FER: variants seen among roughly 807,000 people sequenced by gnomAD.
FER encodes the protein tyrosine-protein kinase Fer.
FER carries 63 observed loss-of-function variants against 111.0 expected under a neutral mutation model. The observed-to-expected ratio is 0.57, with a 90% CI of 0.46 to 0.70. The LOEUF (loss-of-function observed/expected upper bound fraction) is 0.70. Ranked by LOEUF, FER falls within the 30% of genes least tolerant of loss-of-function variation. The pLI is 0.00. For synonymous variants in FER, 327 were observed against 313.9 expected, an observed-to-expected ratio of 1.04 and a Z score of -0.44; for missense variants, 914 against 954.0, an observed-to-expected ratio of 0.96 and a Z score of 0.55.
At chr5:109,157,408 C>A (rs923251351) in intron 17 of FER, among the ~76,000 whole-genome samples, 2 of 152,098 alleles carry the variant, frequency 1.3e-5, no homozygotes, top group Non-Finnish European at 2.9e-5. Context: ...TTTGCTCTGT[C>A]ATGCCTGGAC....
chr5:109,128,745 G>T (rs1752029253), intron 17 of FER, among the ~76,000 whole-genome samples: 1 of 152,020 alleles, frequency 6.6e-6, no homozygotes, highest in Non-Finnish European at 1.5e-5. Flanking sequence ...AAATTTAAAT[G>T]AGTTATTATT....
At position 108,969,626 on chromosome 5, in the gene FER, G is replaced by C. The variant is rs533243725; in HGVS notation, c.1656+10279G>C. Reference sequence around the variant, plus strand: ...ACATTTTAATTTTTTTGAACACTGTGAATGTATTACCTATTCAAAAGGTAA... The same window carrying C: ...ACATTTTAATTTTTTTGAACACTGTCAATGTATTACCTATTCAAAAGGTAA... On this transcript the variant is annotated intron_variant, in intron 13 of 19. Transcript: ENST00000281092. Among the ~76,000 whole-genome samples, 25 of 134,092 alleles carry C rather than the reference G, an allele frequency of 1.9e-4. 5 individuals are homozygous for C. The highest frequency in any genetic ancestry group is 9.4e-4 in the African/African-American group (23 of 24,572). The allele number at this position is 134,092 out of a possible 152,430, so 88.0% of individuals were successfully genotyped here. A position where few individuals can be genotyped will look rare whatever the true frequency, so the allele number is the denominator to read the frequency against.
At chr5:108,781,845 C>A (rs910607133) in intron 2 of FER, among the ~76,000 whole-genome samples, 3 of 152,052 alleles carry the variant, frequency 2.0e-5, no homozygotes, top group Non-Finnish European at 2.9e-5. Context: ...GAAGGAAAGA[C>A]CTTATTAAGA....
At chr5:109,013,689 C>T (rs540011616) in intron 13 of FER, among the ~76,000 whole-genome samples, 1 of 152,072 alleles carries the variant, frequency 6.6e-6, no homozygotes, top group South Asian at 2.1e-4. Flanking sequence ...AGTTTACAGT[C>T]CCACCAACAG....
intron 13 of FER, chr5:109,014,967 T>A (rs994086267): frequency 6.6e-6 from 1 of 152,110 alleles, no homozygotes. Context: ...GTTATCTTCT[T>A]AATGTTGATT....
intron 13 of FER, among the ~76,000 whole-genome samples, chr5:109,019,499 A>C (rs1447379379): frequency 6.6e-6 from 1 of 151,818 alleles, no homozygotes; most frequent in Non-Finnish European, 1.5e-5. Flanking sequence ...TTAAAGTATC[A>C]TTATTAATAT....
chr5:109,113,805 T>C (rs555243740), intron 17 of FER, among the ~76,000 whole-genome samples: 1 of 152,306 alleles, frequency 6.6e-6, no homozygotes, highest in South Asian at 2.1e-4. Flanking sequence ...TTATAAATGC[T>C]TACTCATGGA....
At chr5:109,020,226 C>A (rs1051034766) in intron 13 of FER, among the ~76,000 whole-genome samples, 1 of 151,852 alleles carries the variant, frequency 6.6e-6, no homozygotes, top group African/African-American at 2.4e-5. Flanking sequence ...TAAAATCAGT[C>A]TTAAAACATC....
At chr5:109,178,617 ATAC>A in intron 17 of FER, among the ~76,000 whole-genome samples, 1 of 152,330 alleles carries the variant, frequency 6.6e-6, no homozygotes, top group East Asian at 1.9e-4. Context: ...TTAGTTGACT[ATAC>A]ATATGTGGGT....
intron 17 of FER, among the ~76,000 whole-genome samples, chr5:109,120,816 T>A (rs1750870636): frequency 6.6e-6 from 1 of 152,156 alleles, no homozygotes; most frequent in African/African-American, 2.4e-5. Flanking sequence ...TTTGCTTATT[T>A]GATTAGTTGA....
At chr5:108,830,806 G>T (rs1259095464) in intron 3 of FER, 1 of 152,262 alleles carries the variant, frequency 6.6e-6, no homozygotes, top group Non-Finnish European at 1.5e-5. Context: ...GAAACACAGA[G>T]AATGTTTATT....
At chr5:108,846,697 C>G (rs1374213470) in intron 5 of FER, among the ~76,000 whole-genome samples, 2 of 152,148 alleles carry the variant, frequency 1.3e-5, no homozygotes, top group African/African-American at 4.8e-5. Flanking sequence ...ATTCTCCTGT[C>G]TCAGCCTCCC....
At position 108,995,571 on chromosome 5, in the gene FER, C is replaced by T. The variant is rs546324806; in HGVS notation, c.1656+36224C>T. ...TGAGAATTATAGTTTTCAGCTTCAT[C>T]CATGTCCCTGCAAAAACATGAACTC... On this transcript the variant is annotated intron_variant, in intron 13 of 19. Coordinates refer to ENST00000281092, the MANE Select transcript of FER (RefSeq NM_005246.4). Among the ~76,000 whole-genome samples the T allele has an allele frequency of 4.6e-5, 7 of 152,246 alleles. No individual in the cohort carries two copies. In the South Asian group the frequency reaches 6.2e-4, roughly 14 times the overall value.
At chr5:109,168,875 T>C (rs1189063506) in intron 17 of FER, among the ~76,000 whole-genome samples, 2 of 152,238 alleles carry the variant, frequency 1.3e-5, no homozygotes, top group Non-Finnish European at 1.5e-5. Flanking sequence ...TGGAAATTGC[T>C]ATAAATTTGC....
At chr5:109,038,611 A>G (rs1032717976) in intron 14 of FER, among the ~76,000 whole-genome samples, 2 of 151,960 alleles carry the variant, frequency 1.3e-5, no homozygotes, top group African/African-American at 4.8e-5. Context: ...AAGAACCTCA[A>G]GCTAAAAGCA....
intron 10 of FER, among the ~76,000 whole-genome samples, chr5:108,899,541 G>C (rs538099153): frequency 6.6e-6 from 1 of 152,164 alleles, no homozygotes; most frequent in African/African-American, 2.4e-5. Context: ...GCTCACGCCT[G>C]TAATCCCAGC....
intron 3 of FER, among the ~76,000 whole-genome samples, chr5:108,806,139 G>A (rs1019933364): frequency 1.3e-5 from 2 of 152,106 alleles, no homozygotes; most frequent in African/African-American, 4.8e-5. Context: ...GACTAAAAGG[G>A]GCCAAGGTAT....
intron 13 of FER, among the ~76,000 whole-genome samples, chr5:109,005,630 A>G (rs957509620): frequency 1.3e-5 from 2 of 152,226 alleles, no homozygotes; most frequent in African/African-American, 4.8e-5. Flanking sequence ...ATTCTGGTTT[A>G]GACAGAGGAG....
chr5:108,927,500 C>T (rs1200734460), intron 10 of FER, among the ~76,000 whole-genome samples: 3 of 151,880 alleles, frequency 2.0e-5, no homozygotes, highest in African/African-American at 7.3e-5. Context: ...ACCTCATGAT[C>T]CACCTGCCTC....
Sources: gnomAD v4.1 joint callset for allele counts (sites outside exome capture counted in the v4.1 genomes callset) on GRCh38, gnomAD v4.1.1 for gene constraint, MANE v1.5 for transcripts, NCBI Gene and HGNC (gene_info 2026-07-23, HGNC 2026-07-21) for gene names.